The following PIK3C2B variants were observed in gnomAD, a reference collection of about 807,000 sequenced individuals.
PIK3C2B encodes the protein phosphatidylinositol 4-phosphate 3-kinase C2 domain-containing subunit beta.
In PIK3C2B, 83 loss-of-function variants were observed where a neutral mutation model predicts 184.3. The ratio of observed to expected loss-of-function variants is 0.45; its 90% CI spans 0.38 to 0.54. The LOEUF is 0.54. Ranked by LOEUF, PIK3C2B falls within the 20% of genes least tolerant of loss-of-function variation. The pLI, the probability that PIK3C2B is intolerant of heterozygous loss-of-function variation, is 0.00. For synonymous variants in PIK3C2B, 779 were observed against 837.6 expected (o/e 0.93, Z 1.21); for missense variants, 1,736 against 2,113.5 (o/e 0.82, Z 3.50).
At chr1:204,458,226 A>G (rs919445779) in intron 8 of PIK3C2B, among the ~76,000 whole-genome samples, 49 of 152,184 alleles carry the variant, frequency 3.2e-4, no homozygotes, top group African/African-American at 1.2e-3. Flanking sequence ...TCTCATTTCT[A>G]CAGACATGCC....
Position 204,444,182 on chromosome 1 carries a change from A to G in PIK3C2B, c.2773-20T>C. 2.6e-6 allele frequency: 4 copies of G among 1,561,944 alleles called. No individual in the cohort carries two copies. Among genetic ancestry groups the G allele is most frequent in the Non-Finnish European group, 3.5e-6 (4 of 1,132,206 alleles). ...CAGGGCCTGTTTCGGAGAAAGGGAG[A>G]AAGAGAATATGAAGCTTCATTAACT... On this transcript the variant is annotated intron_variant, in intron 17 of 32. Transcript: ENST00000684373.
chr1:204,449,883 C>A lies in PIK3C2B; in HGVS notation c.2201G>T (p.Gly734Val). The change falls in exon 13 of 33, where the codon GGC becomes GTC. Residue 734 changes from glycine (G) to valine (V), a missense_variant. Around this residue, in one of 8 missense-constraint regions of PIK3C2B, gnomAD observed 609 missense variants for 699.2 expected, o/e 0.87. Transcript: ENST00000684373. ...GTTGAAGAGTGGGGTAGTGACCCAG[C>A]CCAGGGCTTCAGGCACCCGCCGCTG... is the stretch of plus-strand genomic sequence containing the variant. ...NKQRRVPEAL[G>V]WVTTPLFNFR... is the part of the protein sequence containing the mutation. The A allele has an allele frequency of 6.2e-7, 1 of 1,613,292 alleles. No homozygotes were observed. Among genetic ancestry groups the A allele is most frequent in the South Asian group, 1.1e-5 (1 of 90,882 alleles).
intron 1 of PIK3C2B, among the ~76,000 whole-genome samples, chr1:204,486,394 C>CAAAAA (rs34149363): frequency 4.6e-5 from 4 of 86,586 alleles, no homozygotes; most frequent in Non-Finnish European, 9.1e-5. Context: ...GACTCAGTCT[C>CAAAAA]AAAAAAAAAA....
intron 12 of PIK3C2B, among the ~76,000 whole-genome samples, chr1:204,454,273 G>A (rs529760377): frequency 1.0e-3 from 154 of 151,280 alleles, no homozygotes; most frequent in African/African-American, 3.5e-3. Context: ...ACGAGGTCAG[G>A]AGATCGAGAC....
At chr1:204,453,459 C>T (rs551785571) in intron 12 of PIK3C2B, among the ~76,000 whole-genome samples, 215 of 152,258 alleles carry the variant, frequency 1.4e-3, no homozygotes, top group Non-Finnish European at 5.0e-4. Context: ...CTCATCTCGA[C>T]GCCATAACTG....
At chr1:204,459,743 A>C in intron 8 of PIK3C2B, 135 bp downstream of exon 8, 1 of 737,624 alleles carries the variant, frequency 1.4e-6, no homozygotes, top group East Asian at 2.7e-5. Context: ...GCGAGGGGTT[A>C]AAAAGAAGTG....
At chr1:204,470,153 AAG>A (rs1656185182) in intron 1 of PIK3C2B, among the ~76,000 whole-genome samples, 1 of 151,762 alleles carries the variant, frequency 6.6e-6, no homozygotes, top group Non-Finnish European at 1.5e-5. Context: ...GTGCCCCAAA[AAG>A]AGAGAGAGGC....
At chr1:204,490,659 C>G (rs953203316) in intron 1 of PIK3C2B, among the ~76,000 whole-genome samples, 1 of 151,916 alleles carries the variant, frequency 6.6e-6, no homozygotes, top group Non-Finnish European at 1.5e-5. Flanking sequence ...AGAGGTGGCT[C>G]ATGCCCGTAA....
Position 204,468,949 on chromosome 1 carries a change from G to C in PIK3C2B, c.854C>G (p.Pro285Arg), listed in dbSNP as rs774034329. 14 of 1,614,008 alleles carry C rather than the reference G, an allele frequency of 8.7e-6. No individual in the cohort carries two copies. In the Admixed American group the frequency reaches 1.0e-4, roughly 12 times the overall value. ...ATAGCGGGAGGCATAGGTGCGGGGG[G>C]GCACCTGAGGGGGCATAGTCTTGCT... is the stretch of plus-strand genomic sequence containing the variant. ...ARSKTMPPQV[P>R]PRTYASRYGN... The change falls in exon 2 of 33, where the codon CCC becomes CGC. Residue 285 changes from proline to arginine, a missense_variant. This residue lies in a region of PIK3C2B where 404 missense variants were observed against 418.0 expected (regional missense o/e 0.97). Transcript: ENST00000684373.
chr1:204,460,039 CT>C, intron 7 of PIK3C2B, 98 bp from the exon 8 acceptor site: 1 of 954,280 alleles, frequency 1.0e-6, no homozygotes, highest in Admixed American at 2.0e-5. Flanking sequence ...AGCTCACACT[CT>C]GATTTAAAGG....
At chr1:204,441,359 G>A in intron 21 of PIK3C2B, 112 bp downstream of exon 21, 1 of 644,644 alleles carries the variant, frequency 1.6e-6, no homozygotes, top group Non-Finnish European at 2.8e-6. Flanking sequence ...CCTACATTAA[G>A]ACAGCATGGA....
rs543918767 is a variant in PIK3C2B, at chr1:204,425,829, C to G, written c.4588-88G>C. On this transcript the variant is annotated intron_variant, in intron 31 of 32. Coordinates refer to ENST00000684373, the MANE Select transcript of PIK3C2B (RefSeq NM_001377334.1). ...TCCTGTGATCACACTCTGATCCAGA[C>G]TCTCATCTGCCATCTGGCATCTTGC... The G allele has an allele frequency of 9.1e-4, 1,130 of 1,236,742 alleles. 1 individual carries two copies. The highest frequency in any genetic ancestry group is 1.2e-3 in the Non-Finnish European group (1,054 of 857,490). The allele number at this position is 1,236,742 out of a possible 1,614,324, so 76.6% of individuals were successfully genotyped here.
At chr1:204,450,463 G>T (rs1049074036) in intron 12 of PIK3C2B, among the ~76,000 whole-genome samples, 8 of 151,826 alleles carry the variant, frequency 5.3e-5, no homozygotes, top group Non-Finnish European at 1.2e-4. Context: ...ACTTCTTGCT[G>T]CTGAGAGCCA....
In PIK3C2B at chr1:204,481,320, T is replaced by A. The variant is rs370619705; in HGVS notation, c.-84-11434A>T. On this transcript the variant is annotated intron_variant, in intron 1 of 32. Transcript: ENST00000684373. ...GTCTCGCTCTGTCGCCCAGGCTGAG[T>A]GCAGTGGCGTGATCTCCGCTCACTG... 2.8e-5 allele frequency among the ~76,000 whole-genome samples: 4 copies of A among 143,796 alleles called. No individual in the cohort carries two copies. The South Asian group carries it at 6.5e-4, about 23-fold the overall frequency. 94.3% of individuals were successfully genotyped at this position (143,796 alleles called of 152,430 possible). A position where few individuals can be genotyped will look rare whatever the true frequency, so the allele number is the denominator to read the frequency against.
At chr1:204,440,447 C>T (rs1014027650) in intron 21 of PIK3C2B, 126 bp from the exon 22 acceptor site, 8 of 942,686 alleles carry the variant, frequency 8.5e-6, no homozygotes, top group Non-Finnish European at 1.2e-5. Flanking sequence ...ACACCCCTGA[C>T]CTGCTCACTC....
chr1:204,465,175 C>CCCCCAAA, intron 3 of PIK3C2B, 44 bp downstream of exon 3: 1 of 679,754 alleles, frequency 1.5e-6, no homozygotes, highest in African/African-American at 1.9e-5. Context: ...CCCTCCCCAT[C>CCCCCAAA]CCCCATAGCC....
chr1:204,464,216 C>T, intron 4 of PIK3C2B, 84 bp from the exon 5 acceptor site: 3 of 1,491,924 alleles, frequency 2.0e-6, no homozygotes, highest in Non-Finnish European at 1.8e-6. Context: ...TCCCCCTTTC[C>T]AGCTAAGTAT....
At chr1:204,479,997 C>T (rs1023477528) in intron 1 of PIK3C2B, among the ~76,000 whole-genome samples, 1 of 152,236 alleles carries the variant, frequency 6.6e-6, no homozygotes, top group Non-Finnish European at 1.5e-5. Flanking sequence ...GAGCTGCCTC[C>T]GCAGGTCTTC....
At chr1:204,455,725 T>A in intron 11 of PIK3C2B, 131 bp downstream of exon 11, 1 of 749,272 alleles carries the variant, frequency 1.3e-6, no homozygotes, top group Non-Finnish European at 2.1e-6. Context: ...CGCAGCCCCA[T>A]TGCACCACAA....
Sources: allele counts gnomAD v4.1 joint callset (sites outside exome capture counted in the v4.1 genomes callset), GRCh38; gene constraint gnomAD v4.1.1; regional missense constraint gnomAD v4.1.1; transcripts MANE v1.5; gene names NCBI Gene and HGNC (gene_info 2026-07-23, HGNC 2026-07-21).